CTNND2: variants seen among roughly 807,000 people sequenced by gnomAD.
CTNND2 encodes catenin delta-2.
Under a neutral mutation model 144.4 loss-of-function variants are expected in CTNND2, and 22 were observed. The observed-to-expected ratio is 0.15, with a 90% confidence interval of 0.11 to 0.22. The LOEUF (loss-of-function observed/expected upper bound fraction) is 0.22. CTNND2 is among the 10% of genes least tolerant of loss of function. The pLI, the probability that CTNND2 is intolerant of heterozygous loss-of-function variation, is 1.00. For missense variants in CTNND2, 1,353 were observed against 1,618.8 expected (o/e 0.84, Z 2.82); for synonymous variants, 751 against 695.6 (o/e 1.08, Z -1.25).
chr5:10,995,071 G>A (rs550689651), intron 18 of CTNND2, among the ~76,000 whole-genome samples: 13 of 152,296 alleles, frequency 8.5e-5, no homozygotes, highest in African/African-American at 2.4e-4. Flanking sequence ...TATGGTTACC[G>A]AAGAGGGACA....
chr5:11,643,881 T>C (rs1782204794), intron 2 of CTNND2, among the ~76,000 whole-genome samples: 1 of 152,218 alleles, frequency 6.6e-6, no homozygotes, highest in African/African-American at 2.4e-5. Context: ...CGAAAGAATT[T>C]CATTTTTTCA....
At chr5:11,388,869 G>A (rs1759349094) in intron 6 of CTNND2, among the ~76,000 whole-genome samples, 1 of 152,154 alleles carries the variant, frequency 6.6e-6, no homozygotes, top group South Asian at 2.1e-4. Flanking sequence ...TTAAAAGTAT[G>A]TTAGCACTAT....
At chr5:11,156,075 C>T (rs1758192951) in intron 12 of CTNND2, among the ~76,000 whole-genome samples, 1 of 152,230 alleles carries the variant, frequency 6.6e-6, no homozygotes, top group Non-Finnish European at 1.5e-5. Flanking sequence ...GATATTGGTA[C>T]AATATCCACT....
chr5:11,806,854 C>G (rs935954887), intron 1 of CTNND2, among the ~76,000 whole-genome samples: 5 of 151,896 alleles, frequency 3.3e-5, no homozygotes, highest in African/African-American at 1.2e-4. Flanking sequence ...TACTTGCTCC[C>G]ATAATTCCAC....
chr5:11,300,490 C>T (rs1170171332), intron 9 of CTNND2, among the ~76,000 whole-genome samples: 1 of 152,162 alleles, frequency 6.6e-6, no homozygotes, highest in African/African-American at 2.4e-5. Flanking sequence ...CCATCTCCAC[C>T]TCCTAGTGTG....
intron 2 of CTNND2, among the ~76,000 whole-genome samples, chr5:11,626,824 A>C (rs1014373608): frequency 1.3e-5 from 2 of 152,250 alleles, no homozygotes; most frequent in Non-Finnish European, 2.9e-5. Flanking sequence ...TTACAAGTGC[A>C]TGAGCACACA....
chr5:11,027,610 ATG>A (rs142487986), intron 16 of CTNND2, among the ~76,000 whole-genome samples: 10 of 151,146 alleles, frequency 6.6e-5, no homozygotes, highest in African/African-American at 2.2e-4. Flanking sequence ...CACTGTGTGT[ATG>A]TGTGTGTGTG....
At chr5:11,729,183 G>A (rs1384311731) in intron 2 of CTNND2, among the ~76,000 whole-genome samples, 5 of 135,978 alleles carry the variant, frequency 3.7e-5, no homozygotes, top group Admixed American at 2.1e-4. Flanking sequence ...AATTACTTAT[G>A]TGCCACCAAA....
chr5:11,336,829 C>T (rs915214452), intron 9 of CTNND2, among the ~76,000 whole-genome samples: 2 of 152,064 alleles, frequency 1.3e-5, no homozygotes, highest in African/African-American at 4.8e-5. Flanking sequence ...CACAAATACA[C>T]TCATAATCTA....
chr5:11,194,625 A>G (rs1736670708), intron 11 of CTNND2, among the ~76,000 whole-genome samples: 1 of 152,198 alleles, frequency 6.6e-6, no homozygotes, highest in Admixed American at 6.5e-5. Context: ...CACTATTTTA[A>G]AAATAAGCAG....
chr5:11,031,864 A>G (rs1390292302), intron 16 of CTNND2, among the ~76,000 whole-genome samples: 1 of 152,228 alleles, frequency 6.6e-6, no homozygotes, highest in Non-Finnish European at 1.5e-5. Flanking sequence ...CTGGTTTGAC[A>G]GGGGCTTTTG....
chr5:11,376,324 G>GCGTGTGTGTGTGTGTGTTCATGTATCTC (rs1554044787), intron 7 of CTNND2, among the ~76,000 whole-genome samples: 1 of 149,160 alleles, frequency 6.7e-6, no homozygotes, highest in African/African-American at 2.5e-5. Flanking sequence ...GTGTGTGTGT[G>GCGTGTGTGTGTGTGTGTTCATGTATCTC]TGTGTGTGTG....
intron 1 of CTNND2, among the ~76,000 whole-genome samples, chr5:11,836,002 T>C (rs957569451): frequency 6.6e-6 from 1 of 152,212 alleles, no homozygotes; most frequent in African/African-American, 2.4e-5. Context: ...CCCCAAATTT[T>C]TGATACAATG....
intron 11 of CTNND2, among the ~76,000 whole-genome samples, chr5:11,185,865 T>C (rs17791057): frequency 0.017 from 2,581 of 152,354 alleles, 31 homozygotes; most frequent in Non-Finnish European, 0.029. Context: ...CACTAGTTAA[T>C]GTAATTTTTG....
Position 11,813,289 on chromosome 5 carries a change from C to T in CTNND2, c.38-81017G>A, listed in dbSNP as rs1403218238. Among the ~76,000 whole-genome samples the T allele has an allele frequency of 2.0e-5, 3 of 152,146 alleles. No individual in the cohort carries two copies. In the East Asian group the frequency reaches 5.8e-4, roughly 29 times the overall value. ...ACACTCCGCAATATTCGCATAACGA[C>T]GAAGTGCCTCATGATGCATTTCTCA... On this transcript the variant is annotated intron_variant, in intron 1 of 21. Transcript: ENST00000304623.
chr5:11,317,404 T>C (rs1254038922), intron 9 of CTNND2, among the ~76,000 whole-genome samples: 1 of 152,218 alleles, frequency 6.6e-6, no homozygotes, highest in Non-Finnish European at 1.5e-5. Flanking sequence ...GAAAACACAC[T>C]GAGGTCAGTG....
At chr5:11,655,691 G>A (rs1383859438) in intron 2 of CTNND2, among the ~76,000 whole-genome samples, 2 of 114,614 alleles carry the variant, frequency 1.7e-5, no homozygotes, top group Non-Finnish European at 4.0e-5. Context: ...TGCTTATATT[G>A]ATTGATTATT....
chr5:11,821,886 T>A (rs978992534), intron 1 of CTNND2, among the ~76,000 whole-genome samples: 1 of 152,130 alleles, frequency 6.6e-6, no homozygotes, highest in African/African-American at 2.4e-5. Context: ...TGAAACCATT[T>A]CCTAATAAAC....
At chr5:11,689,853 G>A (rs1784815220) in intron 2 of CTNND2, among the ~76,000 whole-genome samples, 1 of 152,034 alleles carries the variant, frequency 6.6e-6, no homozygotes, top group South Asian at 2.1e-4. Context: ...CTTTCCAATA[G>A]TGCACATCGT....
Sources: allele counts gnomAD v4.1 joint callset (sites outside exome capture counted in the v4.1 genomes callset), GRCh38; gene constraint gnomAD v4.1.1; transcripts MANE v1.5; gene names NCBI Gene and HGNC (gene_info 2026-07-23, HGNC 2026-07-21).